DNASE1: variants seen among roughly 807,000 people sequenced by gnomAD.
DNASE1 encodes the protein deoxyribonuclease-1.
In DNASE1, 40 loss-of-function variants were observed where a neutral mutation model predicts 33.9. The observed-to-expected ratio is 1.18, with a 90% CI of 0.92 to 1.54. DNASE1 has a LOEUF of 1.54. Ranked by LOEUF, DNASE1 falls within the 40% of genes most tolerant of loss-of-function variation. DNASE1 has a pLI of 0.00. For missense variants in DNASE1, 518 were observed against 372.6 expected (o/e 1.39, Z -3.21); for synonymous variants, 216 against 160.0 (o/e 1.35, Z -2.64).
exon 10 of DNASE1, chr16:3,664,550 G>A: frequency 7.3e-7 from 1 of 1,372,048 alleles, no homozygotes. Flanking sequence ...GATGCCCATG[G>A]CCTCCTGGCA....
In DNASE1 at chr16:3,656,504, C is replaced by T. The variant is rs554752012; in HGVS notation, c.321-134C>T. On this transcript the variant is annotated intron_variant, in intron 4 of 8. Transcript: ENST00000246949. Reference sequence around the variant, plus strand: ...CCCCGCCCTCCTGTCGCCTGGGTCCCGGACCAATGGGTTGAGCAGGTGCCT... The same window carrying T: ...CCCCGCCCTCCTGTCGCCTGGGTCCTGGACCAATGGGTTGAGCAGGTGCCT... 1.9e-4 allele frequency: 125 copies of T among 671,286 alleles called. 1 individual carries two copies. The highest frequency in any genetic ancestry group is 1.2e-3 in the Middle Eastern group (3 of 2,588). The allele number at this position is 671,286 out of a possible 1,614,324, so 41.6% of individuals were successfully genotyped here. A position where few individuals can be genotyped will look rare whatever the true frequency, so the allele number is the denominator to read the frequency against.
chr16:3,648,207 A>T (rs2042228929), intron 1 of DNASE1, among the ~76,000 whole-genome samples: 1 of 152,162 alleles, frequency 6.6e-6, no homozygotes, highest in Non-Finnish European at 1.5e-5. Flanking sequence ...ACATGGCAGG[A>T]GGCTGAGGCA....
At chr16:3,654,602 G>A (rs1239141755), upstream of DNASE1, 18 of 398,718 alleles carry the variant, frequency 4.5e-5, no homozygotes, top group East Asian at 6.1e-4. Flanking sequence ...GGAAGATGGG[G>A]GCCACCACAC....
At chr16:3,625,478 T>C (rs1179317943) in intron 1 of DNASE1, among the ~76,000 whole-genome samples, 1 of 151,924 alleles carries the variant, frequency 6.6e-6, no homozygotes, top group Non-Finnish European at 1.5e-5. Flanking sequence ...TTAAATAAAA[T>C]TAGCCAGCAT....
At chr16:3,652,531 C>T (rs2042369512), upstream of DNASE1, 1 of 152,292 alleles carries the variant, frequency 6.6e-6, no homozygotes, top group South Asian at 2.1e-4. Flanking sequence ...CAGGGAAGAA[C>T]CATTGCTGAA....
At chr16:3,636,182 T>C (rs1314296653) in intron 1 of DNASE1, among the ~76,000 whole-genome samples, 1 of 152,120 alleles carries the variant, frequency 6.6e-6, no homozygotes, top group Non-Finnish European at 1.5e-5. Flanking sequence ...TTTTTCAAGC[T>C]CATTGATTCT....
At chr16:3,656,865 T>G (rs1215988570) in intron 5 of DNASE1, 112 bp downstream of exon 5, 2 of 1,539,524 alleles carry the variant, frequency 1.3e-6, no homozygotes, top group African/African-American at 2.7e-5. Context: ...TCCCTGGGGC[T>G]TGGGTTTTCC....
At chr16:3,648,619 A>C (rs1321894613) in intron 1 of DNASE1, among the ~76,000 whole-genome samples, 1 of 152,222 alleles carries the variant, frequency 6.6e-6, no homozygotes, top group African/African-American at 2.4e-5. Context: ...ACTGCACTCC[A>C]GCCTAGACAA....
At chr16:3,639,619 C>T (rs2041972893), upstream of DNASE1, among the ~76,000 whole-genome samples, 1 of 152,182 alleles carries the variant, frequency 6.6e-6, no homozygotes, top group Non-Finnish European at 1.5e-5. Flanking sequence ...CTCTTTTGTT[C>T]CCTCTTAGTC....
At chr16:3,642,024 G>A (rs940741049), upstream of DNASE1, among the ~76,000 whole-genome samples, 2 of 152,326 alleles carry the variant, frequency 1.3e-5, no homozygotes, top group Admixed American at 1.3e-4. Flanking sequence ...GCTGTGTCGT[G>A]GGGGCTGCAT....
chr16:3,662,649 T>A (rs1358717444), downstream of DNASE1: 1 of 680,356 alleles, frequency 1.5e-6, no homozygotes, highest in African/African-American at 1.8e-5. Context: ...TTTTCAGTTC[T>A]CAGTTCACAC....
rs1244791443 is a variant in DNASE1 at position 3,656,153 on chromosome 16, C to T, written c.288C>T (p.Asn96=). 2 of 1,614,126 alleles carry T rather than the reference C, an allele frequency of 1.2e-6. No homozygotes were observed. The highest frequency in any genetic ancestry group is 2.2e-5 in the South Asian group (2 of 91,084). Residue 96 remains asparagine (N), a synonymous_variant, in exon 4 of 9, where the codon AAC becomes AAT. Coordinates refer to ENST00000246949, the MANE Select transcript of DNASE1 (RefSeq NM_005223.4). ...TGGTCAGTGAGCCACTGGGACGGAA[C>T]AGCTATAAGGAGCGCTACCTGTTCG... ...HYVVSEPLGR[N]SYKERYLFVY... is the part of the protein sequence containing the mutation.
intron 1 of DNASE1, among the ~76,000 whole-genome samples, chr16:3,633,613 GAAA>G (rs760178210): frequency 2.3e-5 from 2 of 88,288 alleles, no homozygotes; most frequent in African/African-American, 8.8e-5. Flanking sequence ...CATCTCAAGA[GAAA>G]AAAAAAAAAA....
chr16:3,658,331 G>C, downstream of DNASE1: 2 of 956,214 alleles, frequency 2.1e-6, no homozygotes, highest in Non-Finnish European at 3.2e-6. Context: ...CTGGAGTGCA[G>C]AGGCACGATC....
At chr16:3,648,542 C>A (rs559579468) in intron 1 of DNASE1, among the ~76,000 whole-genome samples, 1 of 152,286 alleles carries the variant, frequency 6.6e-6, no homozygotes, top group Non-Finnish European at 1.5e-5. Flanking sequence ...CTCGCGTGAA[C>A]CCCAGAGGCA....
rs149736103 is a variant in DNASE1 at position 3,613,302 on chromosome 16, C to T, written c.-1359+1296C>T. On this transcript the variant is annotated intron_variant and NMD_transcript_variant, in intron 1 of 11. Transcript: ENST00000570769. ...TTTCATCCATGTAGATGAATCAGTA[C>T]TGCATGCCTTTTCATGGCTGCATAA... is the stretch of plus-strand genomic sequence containing the variant. 7.2e-3 allele frequency among the ~76,000 whole-genome samples: 1,095 copies of T among 152,320 alleles called. 17 individuals are homozygous for T. Among genetic ancestry groups the T allele is most frequent in the African/African-American group, 0.025 (1,035 of 41,574 alleles).
At chr16:3,626,313 C>A (rs556997128) in intron 1 of DNASE1, among the ~76,000 whole-genome samples, 1 of 152,082 alleles carries the variant, frequency 6.6e-6, no homozygotes, top group South Asian at 2.1e-4. Flanking sequence ...AGTGAGTGAT[C>A]ACTAAACTCA....
chr16:3,624,765 C>T (rs905954632), intron 1 of DNASE1, among the ~76,000 whole-genome samples: 1 of 152,230 alleles, frequency 6.6e-6, no homozygotes, highest in Admixed American at 6.5e-5. Flanking sequence ...ACTGCATCCT[C>T]TGCCTCCCAG....
At chr16:3,615,155 A>G (rs1034890385) in intron 1 of DNASE1, among the ~76,000 whole-genome samples, 4 of 152,146 alleles carry the variant, frequency 2.6e-5, no homozygotes, top group African/African-American at 9.7e-5. Flanking sequence ...AGTTTCACAG[A>G]TGATTCTGAT....
Sources: gnomAD v4.1 joint callset for allele counts (sites outside exome capture counted in the v4.1 genomes callset) on GRCh38, gnomAD v4.1.1 for gene constraint, MANE v1.5 for transcripts, NCBI Gene and HGNC (gene_info 2026-07-23, HGNC 2026-07-21) for gene names.